Variants in KLHL18 observed in about 807,000 individuals in gnomAD.
The protein encoded by KLHL18 is kelch-like protein 18.
Under a neutral mutation model 58.5 loss-of-function variants are expected in KLHL18, and 38 were observed. The ratio of observed to expected loss-of-function variants is 0.65; its 90% CI spans 0.50 to 0.85. The LOEUF (loss-of-function observed/expected upper bound fraction) is 0.85, where lower values mean the gene tolerates loss of function less well. Among genes scored for constraint, KLHL18 ranks in the 40% least tolerant of loss-of-function variants. KLHL18 has a pLI of 0.00. For synonymous variants in KLHL18, 303 were observed against 301.9 expected (o/e 1.00, Z -0.04); for missense variants, 624 against 778.4 (o/e 0.80, Z 2.36).
chr3:47,317,324 G>T (rs996924770), intron 1 of KLHL18, among the ~76,000 whole-genome samples: 1 of 152,078 alleles, frequency 6.6e-6, no homozygotes, highest in Non-Finnish European at 1.5e-5. Context: ...ATGTTGGCCA[G>T]GCTGGTCTCG....
At chr3:47,285,529 C>T (rs548097648) in intron 1 of KLHL18, among the ~76,000 whole-genome samples, 1 of 150,240 alleles carries the variant, frequency 6.7e-6, no homozygotes, top group South Asian at 2.1e-4. Flanking sequence ...CCAGCCTGGG[C>T]AACATGGCAA....
chr3:47,324,298 C>CTTTTTTCTTTTTTTTTTTT (rs1703660254), intron 3 of KLHL18, among the ~76,000 whole-genome samples: 1 of 37,486 alleles, frequency 2.7e-5, no homozygotes, highest in Non-Finnish European at 4.7e-5. Flanking sequence ...TTCTTTCTTT[C>CTTTTTTCTTTTTTTTTTTT]TTTTTTTTTT....
At chr3:47,313,824 C>T (rs1358648895) in intron 1 of KLHL18, among the ~76,000 whole-genome samples, 1 of 152,146 alleles carries the variant, frequency 6.6e-6, no homozygotes, top group East Asian at 1.9e-4. Flanking sequence ...AATTCCTTCT[C>T]TTCACATAAT....
chr3:47,315,562 T>C (rs1703401138), intron 1 of KLHL18, among the ~76,000 whole-genome samples: 1 of 152,234 alleles, frequency 6.6e-6, no homozygotes, highest in Non-Finnish European at 1.5e-5. Context: ...AAGATCGTGC[T>C]CTGATAAAAT....
chr3:47,331,753 T>A (rs576375712), intron 4 of KLHL18, among the ~76,000 whole-genome samples: 2 of 150,984 alleles, frequency 1.3e-5, no homozygotes, highest in East Asian at 3.9e-4. Context: ...TTTTTTTTTT[T>A]AAAGTGAGAG....
chr3:47,299,563 T>C (rs1279405983), intron 1 of KLHL18, among the ~76,000 whole-genome samples: 1 of 149,520 alleles, frequency 6.7e-6, no homozygotes, highest in East Asian at 2.0e-4. Context: ...AGTGGCTCAC[T>C]CCTATGATCT....
At chr3:47,292,698 GA>G (rs1287245295) in intron 1 of KLHL18, among the ~76,000 whole-genome samples, 1 of 151,922 alleles carries the variant, frequency 6.6e-6, no homozygotes, top group African/African-American at 2.4e-5. Flanking sequence ...ATGAACCCAG[GA>G]GTTTGAGACC....
At position 47,333,311 on chromosome 3, in the gene KLHL18, A is replaced by C; in HGVS notation, c.755A>C (p.Lys252Thr). The part of the protein sequence containing the change: ...QQDDLVRCCH[K>T]CRDLVDEAKD... ...GATGACCTGGTGCGTTGCTGCCACA[A>C]ATGCAGGTGAGTGAGGGTGGACCTG... Residue 252 changes from lysine (K) to threonine (T), a missense_variant, in exon 5 of 10, where the codon AAA becomes ACA. Physicochemically the swap from Lys to Thr is moderately conservative, Grantham distance 78. Transcript: ENST00000232766. The C allele has an allele frequency of 1.2e-6, 2 of 1,613,458 alleles. No homozygotes were observed. The highest frequency in any genetic ancestry group is 1.7e-6 in the Non-Finnish European group (2 of 1,179,636).
Position 47,336,698 on chromosome 3 carries a change from G to A in KLHL18, c.1062G>A (p.Glu354=). 6.2e-7 allele frequency: 1 copy of A among 1,614,238 alleles called. No homozygotes were observed. Among genetic ancestry groups the A allele is most frequent in the African/African-American group, 1.3e-5 (1 of 75,058 alleles). The change falls in exon 7 of 10, where the codon GAG becomes GAA. Residue 354 remains glutamate, a synonymous_variant. Coordinates refer to ENST00000232766, the MANE Select transcript of KLHL18 (RefSeq NM_025010.5). The part of the protein sequence containing the change: ...YDGQLRLSTV[E]AYNPETDTWT... Reference sequence around the variant, plus strand: ...GCCAGCTACGGCTGAGCACTGTGGAGGCCTACAACCCGGAGACAGACACAT... The same window carrying A: ...GCCAGCTACGGCTGAGCACTGTGGAAGCCTACAACCCGGAGACAGACACAT...
chr3:47,305,782 T>C (rs957856241), intron 1 of KLHL18, among the ~76,000 whole-genome samples: 1 of 152,208 alleles, frequency 6.6e-6, no homozygotes, highest in African/African-American at 2.4e-5. Context: ...TTTAGTTTTC[T>C]TGTTAATTAT....
At chr3:47,302,253 G>T (rs184646839) in intron 1 of KLHL18, among the ~76,000 whole-genome samples, 2 of 152,338 alleles carry the variant, frequency 1.3e-5, no homozygotes, top group East Asian at 3.9e-4. Flanking sequence ...TTGGGAGGCT[G>T]AGGTGGGCAG....
At chr3:47,290,466 C>CT (rs961515802) in intron 1 of KLHL18, among the ~76,000 whole-genome samples, 177 of 147,274 alleles carry the variant, frequency 1.2e-3, no homozygotes, top group South Asian at 3.0e-3. Context: ...TTGTCTCCCT[C>CT]TTTTTTTTTT....
intron 8 of KLHL18, 49 bp downstream of exon 8, chr3:47,340,725 T>C (rs766726994): frequency 2.5e-6 from 4 of 1,606,742 alleles, no homozygotes; most frequent in Non-Finnish European, 1.7e-6. Flanking sequence ...AAACAGAGAG[T>C]ATAAAAATCA....
rs1359871100 is a variant in KLHL18 at position 47,319,776 on chromosome 3, G to A, written c.253G>A (p.Asp85Asn). The A allele has an allele frequency of 1.2e-6, 2 of 1,613,596 alleles. No individual in the cohort carries two copies. The highest frequency in any genetic ancestry group is 3.3e-5 in the Admixed American group (2 of 60,006). The change falls in exon 2 of 10, where the codon GAC becomes AAC. Residue 85 changes from aspartate (D) to asparagine (N), a missense_variant. Coordinates refer to ENST00000232766, the MANE Select transcript of KLHL18 (RefSeq NM_025010.5). ...GGATGAGATTGTAATGCAAGGAATG[G>A]ACCCAAGGTACTGAATCCCACCATT... ...KQDEIVMQGM[D>N]PSALEALINF...
At position 47,342,854 on chromosome 3, in the gene KLHL18, T is replaced by C. The variant is rs368007758; in HGVS notation, c.1338+24T>C. On this transcript the variant is annotated intron_variant, in intron 9 of 9. Coordinates refer to ENST00000232766, the MANE Select transcript of KLHL18 (RefSeq NM_025010.5). ...GTGTGAGTCTGGGCTCCCCCTGGGA[T>C]AAGGGTACCTACTTCTGTCTTTGAG... 7 of 1,495,134 alleles carry C rather than the reference T, an allele frequency of 4.7e-6. 1 individual carries two copies. The highest frequency in any genetic ancestry group is 4.7e-6 in the Non-Finnish European group (5 of 1,071,738). 92.6% of individuals were successfully genotyped at this position (1,495,134 alleles called of 1,614,324 possible). A position where few individuals can be genotyped will look rare whatever the true frequency, so the allele number is the denominator to read the frequency against.
At chr3:47,293,983 A>G (rs529840411) in intron 1 of KLHL18, among the ~76,000 whole-genome samples, 1 of 152,352 alleles carries the variant, frequency 6.6e-6, no homozygotes, top group African/African-American at 2.4e-5. Flanking sequence ...GCTGTGACTG[A>G]ATTATTTACT....
At position 47,294,377 on chromosome 3, in the gene KLHL18, G is replaced by T. The variant is rs115948498; in HGVS notation, c.129+11283G>T. Among the ~76,000 whole-genome samples, 237 of 152,306 alleles carry T rather than the reference G, an allele frequency of 1.6e-3. 1 individual carries two copies. Among genetic ancestry groups the T allele is most frequent in the Non-Finnish European group, 3.0e-3 (202 of 68,034 alleles). On this transcript the variant is annotated intron_variant, in intron 1 of 9. Coordinates refer to ENST00000232766, the MANE Select transcript of KLHL18 (RefSeq NM_025010.5). Reference sequence around the variant, plus strand: ...TTTTTGAGTATGAGCTTACATCCTAGTGGAGTAGCAGACAATAAACAGATG... The same window carrying T: ...TTTTTGAGTATGAGCTTACATCCTATTGGAGTAGCAGACAATAAACAGATG...
intron 1 of KLHL18, among the ~76,000 whole-genome samples, chr3:47,312,190 A>C (rs1703317470): frequency 6.6e-6 from 1 of 152,206 alleles, no homozygotes. Context: ...AGGAGATCTC[A>C]TGTCCTGATC....
At chr3:47,312,766 A>G (rs762908530) in intron 1 of KLHL18, among the ~76,000 whole-genome samples, 3 of 152,156 alleles carry the variant, frequency 2.0e-5, no homozygotes, top group Admixed American at 6.5e-5. Context: ...GCTGGCCTCA[A>G]ACTCCTAGTA....
Sources: allele counts gnomAD v4.1 joint callset (sites outside exome capture counted in the v4.1 genomes callset), GRCh38; gene constraint gnomAD v4.1.1; transcripts MANE v1.5; gene names NCBI Gene and HGNC (gene_info 2026-07-23, HGNC 2026-07-21).